Variants in PTPRU observed in about 807,000 individuals in gnomAD.
The protein encoded by PTPRU is protein tyrosine phosphatase receptor type U.
A neutral mutation model predicts 166.3 loss-of-function variants in PTPRU; 69 were observed. That is an observed-to-expected ratio of 0.41 (90% confidence interval 0.34 to 0.51). PTPRU has a LOEUF of 0.51. Among genes scored for constraint, PTPRU ranks in the 20% least tolerant of loss-of-function variants. PTPRU has a pLI of 0.09. For missense variants in PTPRU, 1,657 were observed against 2,013.7 expected (o/e 0.82, Z 3.39); for synonymous variants, 793 against 814.0 (o/e 0.97, Z 0.44).
rs768601463 is a variant in PTPRU, at chr1:29,311,541, C to T, written c.2943C>T (p.Val981=). Residue 981 remains valine, a synonymous_variant, in exon 20 of 30, where the codon GTC becomes GTT. Transcript: ENST00000373779. This position sits in a 1 kb window ranked among gnomAD's most constrained non-coding sequence, Gnocchi z 4.1. The stretch of plus-strand genomic sequence containing the variant: ...GCATCGTCATGATCACCAAGCTGGT[C>T]GAGGTGGGCAGGGTAAGCCGGGCTG... The part of the protein sequence containing the change: ...CSSIVMITKL[V]EVGRVKCSRY... 1.5e-5 allele frequency: 24 copies of T among 1,614,000 alleles called. No homozygotes were observed. The highest frequency in any genetic ancestry group is 1.9e-5 in the Non-Finnish European group (22 of 1,180,040).
chr1:29,256,236 G>A (rs1444131146), intron 2 of PTPRU, among the ~76,000 whole-genome samples: 1 of 152,164 alleles, frequency 6.6e-6, no homozygotes, highest in Non-Finnish European at 1.5e-5. Context: ...TGGGGGCCCT[G>A]ATTACTAGTA....
At position 29,237,649 on chromosome 1, in the gene PTPRU, G is replaced by C. The variant is rs1020847711; in HGVS notation, c.73+932G>C. ...GGGCTGCCCGGGTCGGGCAGGGCCC[G>C]AGGCTCAGGGGAGGACCGGGCCCCG... On this transcript the variant is annotated intron_variant, in intron 1 of 29. Coordinates refer to ENST00000373779, the MANE Select transcript of PTPRU (RefSeq NM_133178.4). This position sits in a 1 kb window ranked among gnomAD's most constrained non-coding sequence, Gnocchi z 6.4. 6.6e-6 allele frequency among the ~76,000 whole-genome samples: 1 copy of C among 151,442 alleles called. No homozygotes were observed. Among genetic ancestry groups the C allele is most frequent in the Non-Finnish European group, 1.5e-5 (1 of 67,726 alleles).
intron 18 of PTPRU, among the ~76,000 whole-genome samples, chr1:29,308,372 C>T (rs1285533980): frequency 6.7e-6 from 1 of 148,858 alleles, no homozygotes; most frequent in Non-Finnish European, 1.5e-5. Flanking sequence ...AGTTCGAGAT[C>T]AGCGTGGGCA....
chr1:29,236,852 G>A lies in PTPRU; in HGVS notation c.73+135G>A. On this transcript the variant is annotated intron_variant, in intron 1 of 29. Coordinates refer to ENST00000373779, the MANE Select transcript of PTPRU (RefSeq NM_133178.4). This position sits in a 1 kb window ranked among gnomAD's most constrained non-coding sequence, Gnocchi z 4.6. Reference sequence around the variant, plus strand: ...CTGTGTGTGTCTGAGCGTAGGATGGGCGATTGTGTGCCCGGGGTGTTGCGT... The same window carrying A: ...CTGTGTGTGTCTGAGCGTAGGATGGACGATTGTGTGCCCGGGGTGTTGCGT... The A allele has an allele frequency of 1.2e-6, 1 of 839,094 alleles. No homozygotes were observed. Among genetic ancestry groups the A allele is most frequent in the Non-Finnish European group, 1.6e-6 (1 of 622,144 alleles). The allele number at this position is 839,094 out of a possible 1,614,324, so 52.0% of individuals were successfully genotyped here.
chr1:29,324,186 A>G (rs1463534423), intron 28 of PTPRU, among the ~76,000 whole-genome samples: 5 of 152,088 alleles, frequency 3.3e-5, no homozygotes, highest in Non-Finnish European at 7.4e-5. Flanking sequence ...CCATCCATCC[A>G]TCTGCATGCC....
rs1687876764 is a variant in PTPRU at position 29,315,785 on chromosome 1, G to A, written c.3364-217G>A. 6.6e-6 allele frequency among the ~76,000 whole-genome samples: 1 copy of A among 152,192 alleles called. No homozygotes were observed. The highest frequency in any genetic ancestry group is 1.5e-5 in the Non-Finnish European group (1 of 68,028). On this transcript the variant is annotated intron_variant, in intron 23 of 29. Transcript: ENST00000373779. The surrounding 1 kb of genome is among the most constrained non-coding windows in gnomAD (Gnocchi z 4.5). ...CGTGAGCTGTCCCCCACCTCTCAGAGCACTCACAGAGTTGTTATAGGGGGT... is the reference window on the plus strand; with the variant it reads ...CGTGAGCTGTCCCCCACCTCTCAGAACACTCACAGAGTTGTTATAGGGGGT...
In PTPRU at chr1:29,259,298, GC is replaced by G; in HGVS notation, c.516del (p.Tyr173ThrfsTer4). ...FEALISPDRR[G>X]YMGLDDILLL... is the part of the protein sequence containing the mutation. ...GCCCTCATCTCCCCAGACCGCAGGG[GC>G]TACATGGGCCTAGATGACATCCTGC... On this transcript the variant is annotated frameshift_variant, in exon 4 of 30. Transcript: ENST00000373779. LOFTEE classifies it high-confidence loss of function. 1 of 1,614,126 alleles carries G rather than the reference GC, an allele frequency of 6.2e-7. No homozygotes were observed. Among genetic ancestry groups the G allele is most frequent in the Non-Finnish European group, 8.5e-7 (1 of 1,179,988 alleles).
rs1055680975 is a variant in PTPRU, at chr1:29,269,172, C to T, written c.1145-6276C>T. Among the ~76,000 whole-genome samples, 24 of 140,152 alleles carry T rather than the reference C, an allele frequency of 1.7e-4. No homozygotes were observed. The South Asian group carries it at 2.5e-3, about 14-fold the overall frequency. 91.9% of individuals were successfully genotyped at this position (140,152 alleles called of 152,430 possible). A position where few individuals can be genotyped will look rare whatever the true frequency, so the allele number is the denominator to read the frequency against. ...GATCCTCTTGCTTCAGCCTCCTAAGCAGCTGGGGCTACAGGCTTGCACCAC... is the reference window on the plus strand; with the variant it reads ...GATCCTCTTGCTTCAGCCTCCTAAGTAGCTGGGGCTACAGGCTTGCACCAC... On this transcript the variant is annotated intron_variant, in intron 7 of 29. Coordinates refer to ENST00000373779, the MANE Select transcript of PTPRU (RefSeq NM_133178.4).
At chr1:29,270,727 C>T (rs1168891091) in intron 7 of PTPRU, among the ~76,000 whole-genome samples, 2 of 152,152 alleles carry the variant, frequency 1.3e-5, no homozygotes, top group African/African-American at 4.8e-5. Flanking sequence ...CTTTGGGAGG[C>T]TGAGGCAGGT....
At chr1:29,274,338 C>T (rs901014347) in intron 7 of PTPRU, among the ~76,000 whole-genome samples, 2 of 152,192 alleles carry the variant, frequency 1.3e-5, no homozygotes, top group Admixed American at 6.5e-5. Context: ...CACGCCTGGT[C>T]GAGATAAAGC....
intron 18 of PTPRU, among the ~76,000 whole-genome samples, chr1:29,306,933 C>T (rs886901935): frequency 1.4e-4 from 22 of 152,182 alleles, no homozygotes; most frequent in Non-Finnish European, 1.9e-4. Flanking sequence ...TCCCAGTTGG[C>T]TCCTCTTGGG....
intron 25 of PTPRU, among the ~76,000 whole-genome samples, chr1:29,318,991 C>G (rs565868158): frequency 1.3e-5 from 2 of 152,118 alleles, no homozygotes; most frequent in African/African-American, 4.8e-5. Context: ...CAGGACAGTG[C>G]GGGGGACAGC....
Position 29,311,750 on chromosome 1 carries a change from C to T in PTPRU, c.3063C>T (p.Ala1021=), listed in dbSNP as rs369911349. 1.7e-4 allele frequency: 278 copies of T among 1,613,830 alleles called. No individual in the cohort carries two copies. Among genetic ancestry groups the T allele is most frequent in the Non-Finnish European group, 2.3e-4 (268 of 1,179,892 alleles). The change falls in exon 21 of 30, where the codon GCC becomes GCT. Residue 1021 remains alanine (A), a synonymous_variant. Transcript: ENST00000373779. The surrounding 1 kb of genome is among the most constrained non-coding windows in gnomAD (Gnocchi z 4.1). ...TLAEYVVRTF[A]LERRGYSARH... is the part of the protein sequence containing the mutation. ...CTGAGTATGTCGTGCGCACTTTTGC[C>T]CTGGAGCGGGTGAGTCTCCCCACCG... is the stretch of plus-strand genomic sequence containing the variant.
Position 29,282,914 on chromosome 1 carries a change from C to G in PTPRU, c.2107C>G (p.Leu703Val). The change falls in exon 12 of 30, where the codon CTC becomes GTC. Residue 703 changes from leucine to valine, a missense_variant. Transcript: ENST00000373779. ...NPPLEPRKAY[L>V]IYFQAASHLK... ...ACCACTTGAGCCTAGGAAGGCCTATCTCATCTACTTCCAGGCAGCAAGCCA... is the reference window on the plus strand; with the variant it reads ...ACCACTTGAGCCTAGGAAGGCCTATGTCATCTACTTCCAGGCAGCAAGCCA... 6.2e-7 allele frequency: 1 copy of G among 1,614,010 alleles called. No individual in the cohort carries two copies. The highest frequency in any genetic ancestry group is 8.5e-7 in the Non-Finnish European group (1 of 1,179,966).
At chr1:29,304,238 A>G (rs996164729) in intron 16 of PTPRU, among the ~76,000 whole-genome samples, 193 bp downstream of exon 16, 2 of 152,096 alleles carry the variant, frequency 1.3e-5, no homozygotes, top group Non-Finnish European at 2.9e-5. Context: ...TTTCACTCTC[A>G]TGCTAACCCT....
In PTPRU at chr1:29,316,032, C is replaced by A. The variant is rs1166466464; in HGVS notation, c.3394C>A (p.Leu1132Met). 1.2e-6 allele frequency: 2 copies of A among 1,614,098 alleles called. No homozygotes were observed. Among genetic ancestry groups the A allele is most frequent in the Non-Finnish European group, 1.7e-6 (2 of 1,179,940 alleles). The change falls in exon 24 of 30, where the codon CTG becomes ATG. Residue 1132 changes from leucine to methionine, a missense_variant. This residue lies in a region of PTPRU where 1,190 missense variants were observed against 1,477.4 expected (regional missense o/e 0.81). Coordinates refer to ENST00000373779, the MANE Select transcript of PTPRU (RefSeq NM_133178.4). Reference sequence around the variant, plus strand: ...GTACATCTTCATTCATGATGCAATCCTGGAGGCCTGCCTGTGTGGGGAGAC... The same window carrying A: ...GTACATCTTCATTCATGATGCAATCATGGAGGCCTGCCTGTGTGGGGAGAC... Reference protein sequence around the residue: ...EQYIFIHDAILEACLCGETTI... With the variant: ...EQYIFIHDAIMEACLCGETTI...
At position 29,258,591 on chromosome 1, in the gene PTPRU, C is replaced by A; in HGVS notation, c.292C>A (p.His98Asn). Reference protein sequence around the residue: ...IFQSLSENDTHCVQFSYFLYS... With the variant: ...IFQSLSENDTNCVQFSYFLYS... ...CCAGAGCCTGAGCGAGAATGATACC[C>A]ACTGTGTGCAGTTCAGCTACTTCCT... Residue 98 changes from histidine to asparagine, a missense_variant, in exon 3 of 30, where the codon CAC becomes AAC. His to Asn is a moderately conservative substitution (Grantham distance 68). Around this residue, in one of 3 missense-constraint regions of PTPRU, gnomAD observed 453 missense variants for 496.9 expected, o/e 0.91. Transcript: ENST00000373779. 1.2e-6 allele frequency: 2 copies of A among 1,614,282 alleles called. No individual in the cohort carries two copies. The highest frequency in any genetic ancestry group is 1.7e-6 in the Non-Finnish European group (2 of 1,180,050).
rs548797814 is a variant in PTPRU at position 29,321,349 on chromosome 1, T to C, written c.3828+524T>C. Among the ~76,000 whole-genome samples the C allele has an allele frequency of 2.6e-5, 4 of 152,244 alleles. No homozygotes were observed. The South Asian group carries it at 8.3e-4, about 32-fold the overall frequency. ...AGCCACTGCCTCTGGCCACAGTTGC[T>C]CTTTATTGGCCCCCTGCTAAGCCAG... is the stretch of plus-strand genomic sequence containing the variant. On this transcript the variant is annotated intron_variant, in intron 26 of 29. Transcript: ENST00000373779.
At chr1:29,277,803 C>CTTTTTTTATTTTTTTTTTTTTTTTTTTT (rs1685875903) in intron 8 of PTPRU, among the ~76,000 whole-genome samples, 4 of 50,566 alleles carry the variant, frequency 7.9e-5, no homozygotes, top group African/African-American at 3.7e-4. Flanking sequence ...AGTTGTCATT[C>CTTTTTTTATTTTTTTTTTTTTTTTTTTT]TTTTTTTTTT....
Sources: allele counts gnomAD v4.1 joint callset (sites outside exome capture counted in the v4.1 genomes callset), GRCh38; gene constraint gnomAD v4.1.1; regional missense constraint gnomAD v4.1.1; non-coding constraint Gnocchi (gnomAD v3.1); transcripts MANE v1.5; gene names NCBI Gene and HGNC (gene_info 2026-07-23, HGNC 2026-07-21).